Variants in CCNC observed in about 807,000 individuals in gnomAD.
CCNC encodes cyclin C.
CCNC carries 19 observed loss-of-function variants against 50.0 expected under a neutral mutation model. That is an observed-to-expected ratio of 0.38 (90% CI 0.27 to 0.56). The LOEUF (loss-of-function observed/expected upper bound fraction) is 0.56, where lower values mean the gene tolerates loss of function less well. CCNC is among the 20% of genes least tolerant of loss of function. CCNC has a pLI of 0.72. For synonymous variants in CCNC, 93 were observed against 103.7 expected, an observed-to-expected ratio of 0.90 and a Z score of 0.63; for missense variants, 200 against 327.1, an observed-to-expected ratio of 0.61 and a Z score of 3.00.
At chr6:99,555,195 T>G (rs1802461220) in intron 5 of CCNC, among the ~76,000 whole-genome samples, 1 of 152,202 alleles carries the variant, frequency 6.6e-6, no homozygotes, top group Non-Finnish European at 1.5e-5. Context: ...TCTTACACTC[T>G]TAATCATTTC....
At chr6:99,546,603 TGA>T in intron 9 of CCNC, 129 bp from the exon 10 acceptor site, 1 of 620,718 alleles carries the variant, frequency 1.6e-6, no homozygotes, top group Non-Finnish European at 2.9e-6. Flanking sequence ...CAGCTACATA[TGA>T]GAGTTACCAC....
At chr6:99,550,163 T>C in intron 8 of CCNC, 55 bp downstream of exon 8, 1 of 1,222,608 alleles carries the variant, frequency 8.2e-7, no homozygotes, top group Non-Finnish European at 1.2e-6. Flanking sequence ...TATTTAATTG[T>C]CAACCTTCCT....
At position 99,562,929 on chromosome 6, in the gene CCNC, T is replaced by G; in HGVS notation, c.52A>C (p.Lys18Gln). Residue 18 changes from lysine to glutamine, a missense_variant, in exon 2 of 12, where the codon AAA becomes CAA. Physicochemically the swap from Lys to Gln is moderately conservative, Grantham distance 53. Coordinates refer to ENST00000520429, the MANE Select transcript of CCNC (RefSeq NM_005190.4). ...SSHYLQWILD[K>Q]QDLLKERQKD... The stretch of plus-strand genomic sequence containing the variant: ...TGGCGCTCCTTCAACAGATCTTGTT[T>G]ATCCAAAATCCATTGCAAACTAGAA... 6.2e-7 allele frequency: 1 copy of G among 1,604,396 alleles called. No individual in the cohort carries two copies. The highest frequency in any genetic ancestry group is 8.5e-7 in the Non-Finnish European group (1 of 1,176,106).
intron 4 of CCNC, 106 bp from the exon 5 acceptor site, chr6:99,558,654 T>G: frequency 9.9e-7 from 1 of 1,013,178 alleles, no homozygotes; most frequent in Non-Finnish European, 1.4e-6. Context: ...GTTCACCTTC[T>G]AACTACTTGA....
intron 4 of CCNC, among the ~76,000 whole-genome samples, chr6:99,559,169 CTTAA>C (rs1007578931): frequency 4.7e-5 from 7 of 149,586 alleles, no homozygotes; most frequent in Non-Finnish European, 1.0e-4. Flanking sequence ...TAAGATAAAC[CTTAA>C]TTAATCACCA....
chr6:99,568,619 C>A lies in CCNC; in HGVS notation c.-92G>T. 1 of 1,563,362 alleles carries A rather than the reference C, an allele frequency of 6.4e-7. No individual in the cohort carries two copies. Among genetic ancestry groups the A allele is most frequent in the Non-Finnish European group, 8.7e-7 (1 of 1,155,766 alleles). On this transcript the variant is annotated 5_prime_UTR_variant, in exon 1 of 12. Transcript: ENST00000520429. ...CAGCCCGTCCGGTAACCGCGCTCCTCGATCAAATCAGCTCGGCTCGACTCC... is the reference window on the plus strand; with the variant it reads ...CAGCCCGTCCGGTAACCGCGCTCCTAGATCAAATCAGCTCGGCTCGACTCC...
In CCNC at chr6:99,568,564, G is replaced by A. The variant is rs1333590248; in HGVS notation, c.-37C>T. The A allele has an allele frequency of 6.2e-7, 1 of 1,606,650 alleles. No individual in the cohort carries two copies. The highest frequency in any genetic ancestry group is 1.1e-5 in the South Asian group (1 of 89,790). On this transcript the variant is annotated 5_prime_UTR_variant, in exon 1 of 12. Coordinates refer to ENST00000520429, the MANE Select transcript of CCNC (RefSeq NM_005190.4). ...TGCCCTGATAAAAAAGCACCAGCCG[G>A]CGGAGCGGCCCGCGGAGCGACCATA... is the stretch of plus-strand genomic sequence containing the variant.
chr6:99,549,443 A>G lies in CCNC; in HGVS notation c.598+65T>C, dbSNP rs148167215. The G allele has an allele frequency of 7.8e-5, 82 of 1,055,852 alleles. No homozygotes were observed. In the East Asian group the frequency reaches 1.8e-3, roughly 23 times the overall value. 65.4% of individuals were successfully genotyped at this position (1,055,852 alleles called of 1,614,324 possible). A position where few individuals can be genotyped will look rare whatever the true frequency, so the allele number is the denominator to read the frequency against. On this transcript the variant is annotated intron_variant, in intron 9 of 11. Coordinates refer to ENST00000520429, the MANE Select transcript of CCNC (RefSeq NM_005190.4). ...CATAAAGTACAATAGGGTGAAATTT[A>G]GTTTAGGATGACCTAAATAAGTTTA...
chr6:99,550,411 G>GA (rs1802242477), intron 7 of CCNC, 102 bp from the exon 8 acceptor site: 1 of 761,192 alleles, frequency 1.3e-6, no homozygotes, highest in African/African-American at 1.8e-5. Flanking sequence ...ATTTCAAAGT[G>GA]AATTTCACTA....
At chr6:99,545,405 G>A (rs1177968992) in intron 10 of CCNC, among the ~76,000 whole-genome samples, 175 bp from the exon 11 acceptor site, 1 of 152,040 alleles carries the variant, frequency 6.6e-6, no homozygotes, top group Admixed American at 6.6e-5. Flanking sequence ...TTTCCTTCTA[G>A]CATCTCATTT....
At chr6:99,555,992 T>C (rs944593682) in intron 5 of CCNC, among the ~76,000 whole-genome samples, 4 of 66,026 alleles carry the variant, frequency 6.1e-5, no homozygotes, top group African/African-American at 3.5e-4. Flanking sequence ...ATCGCTCAAA[T>C]CTGGCTTGTT....
chr6:99,565,967 A>G (rs535215834), intron 1 of CCNC, among the ~76,000 whole-genome samples: 8 of 152,128 alleles, frequency 5.3e-5, no homozygotes, highest in African/African-American at 1.9e-4. Flanking sequence ...TTCTTTCTGT[A>G]TGAAATGGAA....
intron 5 of CCNC, among the ~76,000 whole-genome samples, chr6:99,555,552 T>C (rs2114337062): frequency 6.6e-6 from 1 of 152,204 alleles, no homozygotes; most frequent in South Asian, 2.1e-4. Flanking sequence ...ACCCTCCCAC[T>C]TCAGCCTAGT....
Position 99,546,795 on chromosome 6 carries a change from A to G in CCNC, c.599-321T>C, listed in dbSNP as rs973412400. Among the ~76,000 whole-genome samples, 3 of 152,364 alleles carry G rather than the reference A, an allele frequency of 2.0e-5. No homozygotes were observed. The South Asian group carries it at 6.2e-4, about 32-fold the overall frequency. On this transcript the variant is annotated intron_variant, in intron 9 of 11. Coordinates refer to ENST00000520429, the MANE Select transcript of CCNC (RefSeq NM_005190.4). ...GGGAAGTTATCCCTGAGTAGTGTAC[A>G]AAGTAGCCGTTAAACTGCACCCAGA...
chr6:99,550,776 C>A (rs1286718514), intron 7 of CCNC: 2 of 272,846 alleles, frequency 7.3e-6, no homozygotes, highest in East Asian at 7.4e-5. Flanking sequence ...TACTATAGAA[C>A]AGAAAAATTT....
Position 99,545,160 on chromosome 6 carries a change from A to T in CCNC, c.749T>A (p.Met250Lys). The change falls in exon 11 of 12, where the codon ATG becomes AAG. Residue 250 changes from methionine to lysine, a missense_variant. Met to Lys is a moderately conservative substitution (Grantham distance 95, BLOSUM62 -1). Coordinates refer to ENST00000520429, the MANE Select transcript of CCNC (RefSeq NM_005190.4). ...QWKNFDERKE[M>K]ATILSKMPKP... Reference sequence around the variant, plus strand: ...TGGCATCTTACTAAGAATGGTTGCCATCTCTTTTCTCTCATCGAAATTCTT... The same window carrying T: ...TGGCATCTTACTAAGAATGGTTGCCTTCTCTTTTCTCTCATCGAAATTCTT... 1 of 1,611,700 alleles carries T rather than the reference A, an allele frequency of 6.2e-7. No individual in the cohort carries two copies. Among genetic ancestry groups the T allele is most frequent in the Non-Finnish European group, 8.5e-7 (1 of 1,177,946 alleles).
intron 1 of CCNC, among the ~76,000 whole-genome samples, chr6:99,567,406 CATACACACACACACATATAT>C (rs1362747306): frequency 8.5e-6 from 1 of 117,200 alleles, no homozygotes; most frequent in Non-Finnish European, 1.7e-5. Context: ...TATATATATA[CATACACACACACACATATAT>C]ATACACACAC....
chr6:99,545,822 GTAT>G (rs775518433), intron 10 of CCNC, among the ~76,000 whole-genome samples: 1 of 152,158 alleles, frequency 6.6e-6, no homozygotes, highest in Non-Finnish European at 1.5e-5. Context: ...GTTCACAGTA[GTAT>G]TCAGTGGTTA....
chr6:99,559,728 T>C (rs990169392), intron 4 of CCNC, among the ~76,000 whole-genome samples: 2 of 151,242 alleles, frequency 1.3e-5, no homozygotes, highest in African/African-American at 2.4e-5. Context: ...TTCTTTTTTT[T>C]TTTTTTTTTG....
Sources: gnomAD v4.1 joint callset for allele counts (sites outside exome capture counted in the v4.1 genomes callset) on GRCh38, gnomAD v4.1.1 for gene constraint, MANE v1.5 for transcripts, NCBI Gene and HGNC (gene_info 2026-07-23, HGNC 2026-07-21) for gene names.